Variants in VPS4B observed in about 807,000 individuals in gnomAD.
VPS4B encodes vacuolar protein sorting 4 homolog B.
A neutral mutation model predicts 56.1 loss-of-function variants in VPS4B; 23 were observed. That is an observed-to-expected ratio of 0.41 (90% CI 0.30 to 0.58). VPS4B has a LOEUF of 0.58. VPS4B is among the 20% of genes least tolerant of loss of function. The pLI, the probability that VPS4B is intolerant of heterozygous loss-of-function variation, is 0.29. For missense variants in VPS4B, 372 were observed against 531.9 expected (o/e 0.70, Z 2.96); for synonymous variants, 177 against 186.0 (o/e 0.95, Z 0.39).
At chr18:63,394,615 C>T (rs1915628995) in intron 9 of VPS4B, among the ~76,000 whole-genome samples, 1 of 152,072 alleles carries the variant, frequency 6.6e-6, no homozygotes, top group Non-Finnish European at 1.5e-5. Context: ...TATAGGCGCC[C>T]GCCCTGACGC....
chr18:63,415,618 T>C, intron 1 of VPS4B: 3 of 243,266 alleles, frequency 1.2e-5, no homozygotes, highest in South Asian at 1.3e-4. Flanking sequence ...ATGATAACCT[T>C]GATCTTCTTG....
chr18:63,392,556 C>T (rs1354955428), intron 10 of VPS4B, among the ~76,000 whole-genome samples: 2 of 151,292 alleles, frequency 1.3e-5, no homozygotes, highest in African/African-American at 4.9e-5. Context: ...TCAAGCTATT[C>T]TCCTGCCTCA....
chr18:63,402,725 T>G (rs6567342), intron 5 of VPS4B, among the ~76,000 whole-genome samples: 75,921 of 152,104 alleles, frequency 0.5, 19,532 homozygotes, highest in East Asian at 0.87. Flanking sequence ...TTTTGTGCTT[T>G]TATAGGATTA....
chr18:63,411,542 C>G lies in VPS4B; in HGVS notation c.64G>C (p.Asp22His). 1 of 1,601,486 alleles carries G rather than the reference C, an allele frequency of 6.2e-7. No individual in the cohort carries two copies. Among genetic ancestry groups the G allele is most frequent in the Non-Finnish European group, 8.5e-7 (1 of 1,173,382 alleles). The change falls in exon 2 of 11, where the codon GAC becomes CAC. Residue 22 changes from aspartate to histidine, a missense_variant. Asp to His is a moderately conservative substitution (Grantham distance 81). Coordinates refer to ENST00000238497, the MANE Select transcript of VPS4B (RefSeq NM_004869.4). ...IDLASKAAQE[D>H]KAGNYEEALQ... ...GCTTCTTCGTAGTTCCCAGCCTTGT[C>G]TTCTTGCGCTGCTTTGCTAGCCAGA...
intron 3 of VPS4B, among the ~76,000 whole-genome samples, chr18:63,409,068 T>C (rs1037493767): frequency 6.6e-6 from 1 of 152,228 alleles, no homozygotes; most frequent in Non-Finnish European, 1.5e-5. Flanking sequence ...AAACCCTAAG[T>C]TGGAATTCAG....
chr18:63,421,054 A>T (rs971103418), intron 1 of VPS4B, among the ~76,000 whole-genome samples: 1 of 151,142 alleles, frequency 6.6e-6, no homozygotes, highest in South Asian at 2.1e-4. Context: ...AAAAAAAAAA[A>T]GAAAGAAAAG....
intron 2 of VPS4B, 106 bp downstream of exon 2, chr18:63,411,361 A>G (rs1916038283): frequency 1.2e-6 from 1 of 808,382 alleles, no homozygotes. Flanking sequence ...TTTTTAACAA[A>G]TGGATCGTTT....
chr18:63,406,779 G>A (rs759033350), intron 4 of VPS4B, among the ~76,000 whole-genome samples: 23 of 152,190 alleles, frequency 1.5e-4, no homozygotes, highest in Non-Finnish European at 2.8e-4. Flanking sequence ...GATGGGGGAC[G>A]CTGGTTCTGA....
At chr18:63,405,685 C>T (rs1034122720) in intron 4 of VPS4B, among the ~76,000 whole-genome samples, 42 of 151,924 alleles carry the variant, frequency 2.8e-4, no homozygotes, top group Admixed American at 8.5e-4. Flanking sequence ...CGGCCAAGTG[C>T]GGTGGCTCAC....
At chr18:63,416,034 G>T in intron 1 of VPS4B, 1 of 206,532 alleles carries the variant, frequency 4.8e-6, no homozygotes, top group Non-Finnish European at 1.0e-5. Context: ...CTTAAATCAA[G>T]GTTGGCACCT....
rs71353391 is a variant in VPS4B at position 63,405,580 on chromosome 18, G to T, written c.365-1754C>A. Among the ~76,000 whole-genome samples the T allele has an allele frequency of 7.1e-3, 1,070 of 151,614 alleles. 5 individuals carry two copies. Among genetic ancestry groups the T allele is most frequent in the Non-Finnish European group, 8.7e-3 (588 of 67,854 alleles). Reference sequence around the variant, plus strand: ...CTCATTTAAATGTTTTAAGTATTTGGTTTTTTTTCTCTTTTATTTGTTTGT... The same window carrying T: ...CTCATTTAAATGTTTTAAGTATTTGTTTTTTTTTCTCTTTTATTTGTTTGT... On this transcript the variant is annotated intron_variant, in intron 4 of 10. Transcript: ENST00000238497.
rs765316624 is a variant in VPS4B at position 63,400,497 on chromosome 18, C to T, written c.641+50G>A. 7.1e-6 allele frequency: 11 copies of T among 1,540,304 alleles called. 1 individual carries two copies. In the East Asian group the frequency reaches 1.4e-4, roughly 19 times the overall value. On this transcript the variant is annotated intron_variant, in intron 6 of 10. Transcript: ENST00000238497. ...GTAAGAAATCTATTAAGGAGTGATA[C>T]AGTAATTACAGGCAAAGAAAAAACT...
At chr18:63,421,140 T>C (rs1916290790) in intron 1 of VPS4B, among the ~76,000 whole-genome samples, 1 of 152,092 alleles carries the variant, frequency 6.6e-6, no homozygotes, top group Non-Finnish European at 1.5e-5. Flanking sequence ...TATACAATTA[T>C]AATATTTTGT....
chr18:63,407,233 A>G, intron 4 of VPS4B, 199 bp downstream of exon 4: 1 of 530,750 alleles, frequency 1.9e-6, no homozygotes, highest in Non-Finnish European at 3.3e-6. Flanking sequence ...ACTATTACAT[A>G]AAAAAGACCA....
intron 5 of VPS4B, among the ~76,000 whole-genome samples, chr18:63,401,306 G>C (rs1018235428): frequency 1.3e-5 from 2 of 152,114 alleles, no homozygotes; most frequent in African/African-American, 4.8e-5. Flanking sequence ...CCAGGCTGGA[G>C]GGCAGTGGTG....
chr18:63,412,791 T>G (rs928056934), intron 1 of VPS4B, among the ~76,000 whole-genome samples: 5 of 152,056 alleles, frequency 3.3e-5, no homozygotes, highest in Non-Finnish European at 7.4e-5. Flanking sequence ...CCTCCCCAAA[T>G]AGCAGGATCA....
intron 4 of VPS4B, 171 bp downstream of exon 4, chr18:63,407,261 G>T: frequency 1.6e-6 from 1 of 607,178 alleles, no homozygotes; most frequent in Non-Finnish European, 2.8e-6. Context: ...ATCCTAGAGG[G>T]CAAACCCTAA....
intron 1 of VPS4B, among the ~76,000 whole-genome samples, chr18:63,418,298 A>G (rs904756330): frequency 9.2e-5 from 14 of 152,128 alleles, no homozygotes; most frequent in African/African-American, 3.1e-4. Context: ...CTGCCTCCTG[A>G]TAGCCAAATC....
intron 1 of VPS4B, among the ~76,000 whole-genome samples, chr18:63,414,645 G>C (rs1916122838): frequency 6.6e-6 from 1 of 151,954 alleles, no homozygotes; most frequent in Non-Finnish European, 1.5e-5. Context: ...ATGTTGGCCA[G>C]GCTGGTCTCA....
Sources: allele counts gnomAD v4.1 joint callset (sites outside exome capture counted in the v4.1 genomes callset), GRCh38; gene constraint gnomAD v4.1.1; transcripts MANE v1.5; gene names NCBI Gene and HGNC (gene_info 2026-07-23, HGNC 2026-07-21).